PRKCB: variants seen among roughly 807,000 people sequenced by gnomAD.
The protein encoded by PRKCB is protein kinase C beta, also known as protein kinase C beta type.
A neutral mutation model predicts 81.5 loss-of-function variants in PRKCB; 13 were observed. The observed-to-expected ratio is 0.16, with a 90% confidence interval of 0.10 to 0.25. The LOEUF (loss-of-function observed/expected upper bound fraction) is 0.25, where lower values mean the gene tolerates loss of function less well. PRKCB is among the 10% of genes least tolerant of loss of function. The pLI, the probability that PRKCB is intolerant of heterozygous loss-of-function variation, is 1.00. For synonymous variants in PRKCB, 335 were observed against 321.4 expected, an observed-to-expected ratio of 1.04 and a Z score of -0.45; for missense variants, 509 against 875.7, an observed-to-expected ratio of 0.58 and a Z score of 5.29.
intron 9 of PRKCB, among the ~76,000 whole-genome samples, chr16:24,137,788 A>G (rs1966870013): frequency 6.6e-6 from 1 of 152,232 alleles, no homozygotes; most frequent in Admixed American, 6.5e-5. Flanking sequence ...AATGGCAGAA[A>G]TTTGTGGATT....
At chr16:23,961,645 A>C (rs1567327147) in intron 2 of PRKCB, among the ~76,000 whole-genome samples, 2 of 152,224 alleles carry the variant, frequency 1.3e-5, no homozygotes, top group East Asian at 3.8e-4. Flanking sequence ...GATGTAATAC[A>C]GGTTGAGCAT....
At chr16:24,075,289 T>C (rs1966164426) in intron 5 of PRKCB, among the ~76,000 whole-genome samples, 2 of 152,290 alleles carry the variant, frequency 1.3e-5, no homozygotes, top group African/African-American at 4.8e-5. Flanking sequence ...ACAGTGTAAC[T>C]GTAATAGGTT....
At chr16:23,947,341 C>G (rs1475281257) in intron 2 of PRKCB, among the ~76,000 whole-genome samples, 1 of 152,216 alleles carries the variant, frequency 6.6e-6, no homozygotes, top group Non-Finnish European at 1.5e-5. Flanking sequence ...GCATCTTGCT[C>G]AGTGCAATAT....
chr16:24,054,528 G>A (rs377488399), intron 5 of PRKCB, among the ~76,000 whole-genome samples: 57 of 152,296 alleles, frequency 3.7e-4, no homozygotes, highest in African/African-American at 1.3e-3. Flanking sequence ...GGAGATCTTA[G>A]CACCTATTTT....
At chr16:24,177,245 T>C (rs1372026505) in intron 12 of PRKCB, among the ~76,000 whole-genome samples, 1 of 152,230 alleles carries the variant, frequency 6.6e-6, no homozygotes, top group Non-Finnish European at 1.5e-5. Context: ...CACTGGGATC[T>C]GGGATCCATG....
intron 9 of PRKCB, among the ~76,000 whole-genome samples, chr16:24,129,103 A>G (rs1966849281): frequency 6.6e-6 from 1 of 152,228 alleles, no homozygotes; most frequent in South Asian, 2.1e-4. Context: ...CATAATAAAC[A>G]TGCATTAAAT....
chr16:24,012,937 T>G (rs1320316881), intron 3 of PRKCB, among the ~76,000 whole-genome samples: 1 of 152,272 alleles, frequency 6.6e-6, no homozygotes, highest in Non-Finnish European at 1.5e-5. Context: ...TCTTCTTCCC[T>G]GTGAGTTCAG....
chr16:23,987,096 G>GT (rs1001956494), intron 2 of PRKCB, among the ~76,000 whole-genome samples: 1 of 151,988 alleles, frequency 6.6e-6, no homozygotes, highest in South Asian at 2.1e-4. Context: ...TAAACTGTTG[G>GT]TTTTTTTCCA....
At chr16:24,078,848 C>T (rs745680886) in intron 5 of PRKCB, among the ~76,000 whole-genome samples, 2 of 152,158 alleles carry the variant, frequency 1.3e-5, no homozygotes, top group African/African-American at 4.8e-5. Flanking sequence ...CCAGGGAAAC[C>T]GCTGTAGAAA....
chr16:24,154,994 A>C, intron 10 of PRKCB, 137 bp downstream of exon 10: 1 of 1,070,396 alleles, frequency 9.3e-7, no homozygotes, highest in Non-Finnish European at 1.3e-6. Context: ...AGGCCCAGGG[A>C]AGTCAGCTGA....
chr16:24,054,218 C>T (rs1965877999), intron 5 of PRKCB, among the ~76,000 whole-genome samples: 1 of 152,096 alleles, frequency 6.6e-6, no homozygotes, highest in African/African-American at 2.4e-5. Context: ...CTCAAGTGAC[C>T]CTCTTGCCTC....
intron 8 of PRKCB, among the ~76,000 whole-genome samples, chr16:24,117,367 G>A (rs569729672): frequency 6.6e-5 from 10 of 152,150 alleles, no homozygotes; most frequent in Non-Finnish European, 1.0e-4. Flanking sequence ...TCAGTCGACC[G>A]TGGGCTTTGG....
intron 3 of PRKCB, among the ~76,000 whole-genome samples, chr16:24,004,478 C>CAA (rs71154264): frequency 1.1e-3 from 52 of 47,318 alleles, no homozygotes; most frequent in African/African-American, 2.0e-3. Context: ...CAAGTCTCTA[C>CAA]AAAAAAAAAA....
intron 9 of PRKCB, among the ~76,000 whole-genome samples, chr16:24,154,382 G>C (rs1967123394): frequency 6.6e-6 from 1 of 152,172 alleles, no homozygotes; most frequent in South Asian, 2.1e-4. Context: ...TACTTGGGAG[G>C]CTGAGGCAGG....
At chr16:24,013,272 T>G (rs1331735401) in intron 3 of PRKCB, among the ~76,000 whole-genome samples, 1 of 152,192 alleles carries the variant, frequency 6.6e-6, no homozygotes, top group Non-Finnish European at 1.5e-5. Flanking sequence ...TAATTGCGGT[T>G]TTTGCTATTG....
At chr16:23,916,225 T>TTTC (rs1217560768) in intron 2 of PRKCB, among the ~76,000 whole-genome samples, 2 of 147,306 alleles carry the variant, frequency 1.4e-5, no homozygotes, top group African/African-American at 5.0e-5. Flanking sequence ...GGCTAATTTT[T>TTTC]TTTTTTTTTT....
intron 2 of PRKCB, among the ~76,000 whole-genome samples, chr16:23,911,834 T>G (rs1026637949): frequency 1.4e-5 from 2 of 147,240 alleles, no homozygotes; most frequent in African/African-American, 5.0e-5. Flanking sequence ...ACATTTTTTT[T>G]TTTTTTTTTT....
At position 24,141,007 on chromosome 16, in the gene PRKCB, T is replaced by C. The variant is rs930339268; in HGVS notation, c.1066-13677T>C. Among the ~76,000 whole-genome samples, 52 of 152,174 alleles carry C rather than the reference T, an allele frequency of 3.4e-4. 1 individual carries two copies. Among genetic ancestry groups the C allele is most frequent in the Non-Finnish European group, 1.0e-4 (7 of 68,034 alleles). On this transcript the variant is annotated intron_variant, in intron 9 of 16. Transcript: ENST00000643927. ...TGAGGATTGGTTAGATCAGATCTCT[T>C]CCACTGTCATCATTTAGTTATAATT...
chr16:24,081,329 A>T (rs1037831338), intron 5 of PRKCB, among the ~76,000 whole-genome samples: 1 of 152,194 alleles, frequency 6.6e-6, no homozygotes, highest in South Asian at 2.1e-4. Context: ...AAAAATTAAC[A>T]TATCAATTGA....
Sources: allele counts gnomAD v4.1 joint callset (sites outside exome capture counted in the v4.1 genomes callset), GRCh38; gene constraint gnomAD v4.1.1; transcripts MANE v1.5; gene names NCBI Gene and HGNC (gene_info 2026-07-23, HGNC 2026-07-21).